Variants in PTPRM observed in about 807,000 individuals in gnomAD.
PTPRM encodes receptor-type tyrosine-protein phosphatase mu.
A neutral mutation model predicts 186.7 loss-of-function variants in PTPRM; 47 were observed. That is an observed-to-expected ratio of 0.25 (90% CI 0.20 to 0.32). PTPRM has a LOEUF of 0.32. Among genes scored for constraint, PTPRM ranks in the 10% least tolerant of loss-of-function variants. The pLI is 1.00. For missense variants in PTPRM, 1,494 were observed against 1,865.0 expected (o/e 0.80, Z 3.66); for synonymous variants, 668 against 674.9 (o/e 0.99, Z 0.16).
intron 7 of PTPRM, among the ~76,000 whole-genome samples, chr18:7,989,279 C>A (rs2083134903): frequency 1.3e-5 from 2 of 151,938 alleles, no homozygotes; most frequent in East Asian, 3.9e-4. Flanking sequence ...CTGTACCAAA[C>A]CATGGGCAGT....
intron 7 of PTPRM, among the ~76,000 whole-genome samples, chr18:7,994,255 G>A (rs2083414175): frequency 7.6e-6 from 1 of 132,348 alleles, no homozygotes; most frequent in Non-Finnish European, 1.6e-5. Context: ...TTCAGCAAGA[G>A]GATATAAATA....
At chr18:7,693,979 G>A (rs1362697828) in intron 1 of PTPRM, among the ~76,000 whole-genome samples, 1 of 152,162 alleles carries the variant, frequency 6.6e-6, no homozygotes, top group Non-Finnish European at 1.5e-5. Context: ...CCGTATCTGA[G>A]CAAGCCTTGA....
chr18:7,783,978 C>T (rs868679548), intron 2 of PTPRM, among the ~76,000 whole-genome samples: 1 of 150,796 alleles, frequency 6.6e-6, no homozygotes, highest in Middle Eastern at 3.2e-3. Context: ...CTGTGCTAAC[C>T]GGCACAGCCC....
chr18:8,220,507 A>G (rs1295728358), intron 14 of PTPRM, among the ~76,000 whole-genome samples: 1 of 152,242 alleles, frequency 6.6e-6, no homozygotes, highest in Non-Finnish European at 1.5e-5. Context: ...GGATTGGGGC[A>G]TTCTTTATGT....
chr18:7,568,814 T>C lies in PTPRM; in HGVS notation c.73+923T>C, dbSNP rs1483069863. On this transcript the variant is annotated intron_variant, in intron 1 of 32. Coordinates refer to ENST00000580170, the MANE Select transcript of PTPRM (RefSeq NM_001105244.2). The surrounding 1 kb of genome is among the most constrained non-coding windows in gnomAD (Gnocchi z 5.1). ...GTGGATCGGAGTCGGGGGTCCGGCG[T>C]GGGGGCGAACCCGGCACGCTGTCAC... Among the ~76,000 whole-genome samples, 7 of 151,764 alleles carry C rather than the reference T, an allele frequency of 4.6e-5. No individual in the cohort carries two copies. The highest frequency in any genetic ancestry group is 8.8e-5 in the Non-Finnish European group (6 of 67,916).
At chr18:7,693,380 A>G (rs79807600) in intron 1 of PTPRM, among the ~76,000 whole-genome samples, 5,451 of 152,242 alleles carry the variant, frequency 0.036, 257 homozygotes, top group East Asian at 0.1. Flanking sequence ...GTGGCAGAAT[A>G]GGATTGGAAA....
At chr18:7,779,950 A>G (rs1235479057) in intron 2 of PTPRM, among the ~76,000 whole-genome samples, 5 of 152,202 alleles carry the variant, frequency 3.3e-5, no homozygotes, top group Admixed American at 2.0e-4. Context: ...TTACGATTAT[A>G]TGCTAGAAAA....
chr18:8,224,011 C>T lies in PTPRM; in HGVS notation c.2301-20047C>T, dbSNP rs113100325. On this transcript the variant is annotated intron_variant, in intron 14 of 32. Transcript: ENST00000580170. ...GGAGAAGTATGGTAGAGTCTTTCTCCTCACTTCAGAAATCAAAAGAAAGTA... is the reference window on the plus strand; with the variant it reads ...GGAGAAGTATGGTAGAGTCTTTCTCTTCACTTCAGAAATCAAAAGAAAGTA... Among the ~76,000 whole-genome samples the T allele has an allele frequency of 1.2e-3, 178 of 152,250 alleles. 1 individual carries two copies. Among genetic ancestry groups the T allele is most frequent in the Non-Finnish European group, 1.4e-3 (97 of 68,004 alleles).
intron 20 of PTPRM, among the ~76,000 whole-genome samples, chr18:8,298,944 T>C (rs1187299222): frequency 6.6e-6 from 1 of 152,156 alleles, no homozygotes; most frequent in Non-Finnish European, 1.5e-5. Context: ...CAAGACTCTG[T>C]CTCTACAAAA....
At chr18:8,063,742 T>C (rs1198112775) in intron 7 of PTPRM, among the ~76,000 whole-genome samples, 1 of 152,176 alleles carries the variant, frequency 6.6e-6, no homozygotes, top group African/African-American at 2.4e-5. Context: ...TACTTAAAAA[T>C]TTAACTTAAA....
At chr18:8,164,541 A>G (rs960033515) in intron 14 of PTPRM, among the ~76,000 whole-genome samples, 2 of 152,242 alleles carry the variant, frequency 1.3e-5, no homozygotes, top group Admixed American at 1.3e-4. Context: ...ATCCTGACAC[A>G]TGCTACAACA....
chr18:8,401,347 A>G (rs2095871112), intron 32 of PTPRM, among the ~76,000 whole-genome samples: 2 of 152,228 alleles, frequency 1.3e-5, no homozygotes. Context: ...TCATCATTCC[A>G]GGGACATGCT....
intron 1 of PTPRM, among the ~76,000 whole-genome samples, chr18:7,672,261 G>A (rs1283499218): frequency 6.6e-6 from 1 of 152,132 alleles, no homozygotes; most frequent in Non-Finnish European, 1.5e-5. Context: ...AATGATCCCA[G>A]TCTTTGGAAA....
chr18:7,854,726 T>C (rs912126480), intron 2 of PTPRM, among the ~76,000 whole-genome samples: 3 of 107,422 alleles, frequency 2.8e-5, no homozygotes, highest in Non-Finnish European at 5.4e-5. Flanking sequence ...TTTGAAATGT[T>C]AGGAGTTTTT....
At chr18:7,972,890 T>C (rs1247280784) in intron 7 of PTPRM, among the ~76,000 whole-genome samples, 1 of 152,176 alleles carries the variant, frequency 6.6e-6, no homozygotes, top group Non-Finnish European at 1.5e-5. Flanking sequence ...TTTAGGTGTG[T>C]AAATATCAAT....
intron 1 of PTPRM, among the ~76,000 whole-genome samples, chr18:7,605,088 G>A (rs1000074004): frequency 1.3e-5 from 2 of 152,164 alleles, no homozygotes; most frequent in Non-Finnish European, 2.9e-5. Context: ...TGGCAGGGAT[G>A]TCTGATCTTT....
intron 1 of PTPRM, among the ~76,000 whole-genome samples, chr18:7,597,715 T>A (rs1207651444): frequency 2.6e-5 from 4 of 152,216 alleles, no homozygotes; most frequent in Admixed American, 2.6e-4. Context: ...GATACATAGC[T>A]CGCATATCCA....
intron 2 of PTPRM, among the ~76,000 whole-genome samples, chr18:7,797,941 G>A (rs2043752189): frequency 6.6e-6 from 1 of 152,180 alleles, no homozygotes; most frequent in Non-Finnish European, 1.5e-5. Flanking sequence ...CTTGATATCT[G>A]CCTTGACTTC....
chr18:8,201,313 C>T (rs2093852816), intron 14 of PTPRM, among the ~76,000 whole-genome samples: 1 of 152,148 alleles, frequency 6.6e-6, no homozygotes, highest in African/African-American at 2.4e-5. Context: ...AAGACTCCGT[C>T]TCCAAAAACA....
Sources: gnomAD v4.1 joint callset for allele counts (sites outside exome capture counted in the v4.1 genomes callset) on GRCh38, gnomAD v4.1.1 for gene constraint, Gnocchi (gnomAD v3.1) non-coding constraint, MANE v1.5 for transcripts, NCBI Gene and HGNC (gene_info 2026-07-23, HGNC 2026-07-21) for gene names.